SLC4A4: variants seen among roughly 807,000 people sequenced by gnomAD.
SLC4A4 encodes the protein solute carrier family 4 member 4, also known as electrogenic sodium bicarbonate cotransporter 1.
Under a neutral mutation model 111.5 loss-of-function variants are expected in SLC4A4, and 27 were observed. The observed-to-expected ratio is 0.24, with a 90% CI of 0.18 to 0.33. The LOEUF (loss-of-function observed/expected upper bound fraction) is 0.33, where lower values mean the gene tolerates loss of function less well. Ranked by LOEUF, SLC4A4 falls within the 10% of genes least tolerant of loss-of-function variation. SLC4A4 has a pLI of 1.00. For synonymous variants in SLC4A4, 443 were observed against 463.4 expected (o/e 0.96, Z 0.57); for missense variants, 909 against 1,315.5 (o/e 0.69, Z 4.78).
chr4:71,491,290 T>G (rs959715607), intron 15 of SLC4A4, among the ~76,000 whole-genome samples: 1 of 151,898 alleles, frequency 6.6e-6, no homozygotes, highest in Non-Finnish European at 1.5e-5. Flanking sequence ...TTATTAGTGG[T>G]ATCACTCTCA....
chr4:71,164,998 A>G (rs931070608), intron 2 of SLC4A4, among the ~76,000 whole-genome samples: 5 of 152,360 alleles, frequency 3.3e-5, no homozygotes, highest in African/African-American at 1.2e-4. Context: ...CAAAACCACA[A>G]TGAGATAGCA....
At chr4:71,464,135 T>C (rs543120343) in intron 12 of SLC4A4, among the ~76,000 whole-genome samples, 7 of 152,272 alleles carry the variant, frequency 4.6e-5, no homozygotes, top group African/African-American at 1.7e-4. Context: ...AGATAAATTA[T>C]AAAGACATAG....
chr4:71,119,971 G>C (rs146207224), intron 2 of SLC4A4, among the ~76,000 whole-genome samples: 82 of 152,128 alleles, frequency 5.4e-4, no homozygotes, highest in African/African-American at 1.9e-3. Flanking sequence ...TCAAATTTTT[G>C]TTATGTCACT....
intron 1 of SLC4A4, among the ~76,000 whole-genome samples, chr4:71,189,604 C>T (rs1387295746): frequency 6.6e-6 from 1 of 152,118 alleles, no homozygotes; most frequent in African/African-American, 2.4e-5. Flanking sequence ...CTGGCCATAG[C>T]TTACATCTTA....
intron 3 of SLC4A4, among the ~76,000 whole-genome samples, chr4:71,287,073 C>G (rs978483499): frequency 6.6e-6 from 1 of 152,118 alleles, no homozygotes; most frequent in Non-Finnish European, 1.5e-5. Flanking sequence ...GGCAGATTGC[C>G]TGGCCTGATT....
At chr4:71,118,467 A>T (rs1476299788) in intron 2 of SLC4A4, among the ~76,000 whole-genome samples, 2 of 152,086 alleles carry the variant, frequency 1.3e-5, no homozygotes, top group African/African-American at 4.8e-5. Flanking sequence ...GATAATGTTT[A>T]TTTAGATTTA....
At chr4:71,567,524 T>C (rs1217967595) in intron 25 of SLC4A4, among the ~76,000 whole-genome samples, 1 of 151,834 alleles carries the variant, frequency 6.6e-6, no homozygotes, top group Non-Finnish European at 1.5e-5. Flanking sequence ...ACCCACCTGG[T>C]AGTACCTCTT....
At chr4:71,191,448 A>C (rs1745729636) in intron 1 of SLC4A4, among the ~76,000 whole-genome samples, 1 of 152,228 alleles carries the variant, frequency 6.6e-6, no homozygotes, top group Non-Finnish European at 1.5e-5. Flanking sequence ...CTTAACTACA[A>C]ATTATTGGTG....
rs2148882276 is a variant in SLC4A4 at position 71,333,762 on chromosome 4, C to A, written c.254-5608C>A. On this transcript the variant is annotated intron_variant, in intron 3 of 25. Coordinates refer to ENST00000264485, the MANE Select transcript of SLC4A4 (RefSeq NM_001098484.3). ...CAAAGCAAAGTCCTTTACACTCTTT[C>A]TTCCCCTTTCCTGATGCAGAAGGAG... Among the ~76,000 whole-genome samples, 3 of 152,290 alleles carry A rather than the reference C, an allele frequency of 2.0e-5. No individual in the cohort carries two copies. The South Asian group carries it at 6.2e-4, about 32-fold the overall frequency.
chr4:71,398,449 G>C (rs1053160459), intron 7 of SLC4A4, among the ~76,000 whole-genome samples: 2 of 152,082 alleles, frequency 1.3e-5, no homozygotes, highest in African/African-American at 4.8e-5. Flanking sequence ...TTGAATATCT[G>C]TTTGCTTTCT....
rs200637314 is a variant in SLC4A4, at chr4:71,365,736, CA to C, written c.730+8552del. 8.0e-3 allele frequency among the ~76,000 whole-genome samples: 1,210 copies of C among 152,142 alleles called. 17 individuals carry two copies. Among genetic ancestry groups the C allele is most frequent in the African/African-American group, 0.026 (1,065 of 41,500 alleles). On this transcript the variant is annotated intron_variant, in intron 6 of 25. Coordinates refer to ENST00000264485, the MANE Select transcript of SLC4A4 (RefSeq NM_001098484.3). The stretch of plus-strand genomic sequence containing the variant: ...TTCCAACACTCTTCAAGATGTTGAA[CA>C]AAGAAAATGTCATTCCATTAACTAT...
At chr4:71,295,398 A>G (rs1193700915) in intron 3 of SLC4A4, among the ~76,000 whole-genome samples, 1 of 152,204 alleles carries the variant, frequency 6.6e-6, no homozygotes, top group Non-Finnish European at 1.5e-5. Context: ...TGGGATGTAT[A>G]CATCCTTTTA....
chr4:71,147,269 T>G (rs1163000910), intron 2 of SLC4A4, among the ~76,000 whole-genome samples: 1 of 152,166 alleles, frequency 6.6e-6, no homozygotes, highest in South Asian at 2.1e-4. Flanking sequence ...AAATTTCTCC[T>G]CTTAAATTTC....
At chr4:71,518,305 T>TA in intron 16 of SLC4A4, among the ~76,000 whole-genome samples, 1 of 152,128 alleles carries the variant, frequency 6.6e-6, no homozygotes, top group Non-Finnish European at 1.5e-5. Flanking sequence ...ATGGGTCTGC[T>TA]GAAGTGGGCC....
intron 3 of SLC4A4, among the ~76,000 whole-genome samples, chr4:71,331,395 G>A (rs914903829): frequency 1.8e-4 from 28 of 152,282 alleles, no homozygotes; most frequent in African/African-American, 6.5e-4. Flanking sequence ...GGAATACTAT[G>A]CAGCCATAAA....
chr4:71,349,793 T>C, intron 4 of SLC4A4, 119 bp from the exon 5 acceptor site: 3 of 874,528 alleles, frequency 3.4e-6, no homozygotes, highest in Non-Finnish European at 5.7e-6. Context: ...CTATTAATAC[T>C]CCACAAAAAG....
At chr4:71,234,010 G>A (rs1411703861) in intron 1 of SLC4A4, among the ~76,000 whole-genome samples, 1 of 152,130 alleles carries the variant, frequency 6.6e-6, no homozygotes. Flanking sequence ...CTTTGTTTCT[G>A]TTCCTGCAAC....
intron 18 of SLC4A4, among the ~76,000 whole-genome samples, chr4:71,537,522 T>A (rs559194465): frequency 3.3e-5 from 5 of 151,782 alleles, no homozygotes; most frequent in African/African-American, 1.2e-4. Flanking sequence ...AAACTACAAG[T>A]TTGCCTTAGG....
chr4:71,515,757 G>C (rs368965631), intron 16 of SLC4A4, among the ~76,000 whole-genome samples: 1 of 152,034 alleles, frequency 6.6e-6, no homozygotes, highest in East Asian at 1.9e-4. Context: ...CTCAAAGTCT[G>C]TTTTATCTTA....
Sources: allele counts gnomAD v4.1 joint callset (sites outside exome capture counted in the v4.1 genomes callset), GRCh38; gene constraint gnomAD v4.1.1; transcripts MANE v1.5; gene names NCBI Gene and HGNC (gene_info 2026-07-23, HGNC 2026-07-21).